Variants in CEP112 observed in about 807,000 individuals in gnomAD.
CEP112 encodes centrosomal protein of 112 kDa.
Under a neutral mutation model 153.0 loss-of-function variants are expected in CEP112, and 127 were observed. That is an observed-to-expected ratio of 0.83 (90% CI 0.72 to 0.96). The LOEUF is 0.96. Among genes scored for constraint, CEP112 ranks in the 40% least tolerant of loss-of-function variants. The pLI is 0.00. For synonymous variants in CEP112, 358 were observed against 374.4 expected, an observed-to-expected ratio of 0.96 and a Z score of 0.51; for missense variants, 1,089 against 1,101.2, an observed-to-expected ratio of 0.99 and a Z score of 0.16.
chr17:65,830,230 T>C (rs547762795), intron 21 of CEP112, among the ~76,000 whole-genome samples: 1 of 152,218 alleles, frequency 6.6e-6, no homozygotes, highest in East Asian at 1.9e-4. Context: ...AAGAATACCA[T>C]CCTGAGTTCA....
chr17:65,704,948 T>G (rs531798807), intron 23 of CEP112, among the ~76,000 whole-genome samples: 1 of 152,364 alleles, frequency 6.6e-6, no homozygotes, highest in South Asian at 2.1e-4. Context: ...TTTTGAAGTT[T>G]CTTCCACTCC....
At chr17:65,967,423 G>A (rs1178741143) in intron 17 of CEP112, among the ~76,000 whole-genome samples, 1 of 152,156 alleles carries the variant, frequency 6.6e-6, no homozygotes, top group Non-Finnish European at 1.5e-5. Flanking sequence ...GCAGAAACAA[G>A]GGTGCTGGCA....
At chr17:65,855,851 C>A (rs1292692505) in intron 20 of CEP112, among the ~76,000 whole-genome samples, 3 of 152,074 alleles carry the variant, frequency 2.0e-5, no homozygotes, top group Non-Finnish European at 4.4e-5. Context: ...ATCACTTGAG[C>A]CTAGGAGTTC....
intron 20 of CEP112, among the ~76,000 whole-genome samples, chr17:65,900,731 C>T (rs1005973476): frequency 1.3e-5 from 2 of 152,082 alleles, no homozygotes; most frequent in African/African-American, 4.8e-5. Flanking sequence ...AGAATATGAA[C>T]TAGACAATAT....
intron 23 of CEP112, among the ~76,000 whole-genome samples, chr17:65,690,747 T>C (rs940495731): frequency 3.3e-5 from 5 of 152,122 alleles, no homozygotes; most frequent in African/African-American, 1.2e-4. Context: ...GTGGAAGCCA[T>C]AAGGTCACTG....
intron 24 of CEP112, among the ~76,000 whole-genome samples, chr17:65,667,185 C>T (rs182985550): frequency 4.9e-4 from 74 of 152,200 alleles, no homozygotes; most frequent in African/African-American, 1.7e-3. Context: ...GTGCCACCTT[C>T]TTTGTAGCAA....
intron 19 of CEP112, among the ~76,000 whole-genome samples, chr17:65,916,250 AGT>A (rs3222034): frequency 0.053 from 6,907 of 129,794 alleles, 250 homozygotes; most frequent in African/African-American, 0.13. Context: ...TTTGAAAAAG[AGT>A]GTGTGTGTGT....
chr17:65,883,929 G>A (rs1031022087), intron 20 of CEP112, among the ~76,000 whole-genome samples: 1 of 152,154 alleles, frequency 6.6e-6, no homozygotes, highest in African/African-American at 2.4e-5. Context: ...AAAAAATCAA[G>A]AATTATTTCC....
chr17:65,969,873 TTA>T (rs1408947886), intron 17 of CEP112, among the ~76,000 whole-genome samples: 3 of 152,226 alleles, frequency 2.0e-5, no homozygotes, highest in African/African-American at 4.8e-5. Context: ...TACATGTGCA[TTA>T]TGTGTAAATT....
intron 24 of CEP112, chr17:65,655,345 TACCA>T (rs2046009411): frequency 6.4e-7 from 1 of 1,568,146 alleles, no homozygotes; most frequent in Admixed American, 1.7e-5. Flanking sequence ...CTTGCCAAAT[TACCA>T]CCACCTAAAG....
At chr17:65,803,448 A>T (rs2055399265) in intron 21 of CEP112, among the ~76,000 whole-genome samples, 1 of 152,270 alleles carries the variant, frequency 6.6e-6, no homozygotes, top group Non-Finnish European at 1.5e-5. Flanking sequence ...TTTAAAGTGG[A>T]AAATAGTTTT....
intron 4 of CEP112, among the ~76,000 whole-genome samples, chr17:66,155,415 A>G (rs2071394933): frequency 6.6e-6 from 1 of 151,962 alleles, no homozygotes; most frequent in Non-Finnish European, 1.5e-5. Flanking sequence ...AGATTCCCTT[A>G]GGTGCCTACA....
At chr17:65,841,362 T>C (rs151126773) in intron 21 of CEP112, among the ~76,000 whole-genome samples, 1 of 152,086 alleles carries the variant, frequency 6.6e-6, no homozygotes, top group African/African-American at 2.4e-5. Context: ...ATGGATAGAA[T>C]TAGATGTCAT....
intron 4 of CEP112, among the ~76,000 whole-genome samples, chr17:66,135,052 G>T (rs1280577047): frequency 1.3e-5 from 2 of 152,018 alleles, no homozygotes; most frequent in Admixed American, 6.6e-5. Context: ...AGTCCAAATT[G>T]CTCCCTTGGC....
chr17:66,160,349 T>A (rs928502538), intron 4 of CEP112, among the ~76,000 whole-genome samples: 1 of 152,012 alleles, frequency 6.6e-6, no homozygotes, highest in Admixed American at 6.6e-5. Context: ...CTACTTTAAA[T>A]TTCATATGGA....
At chr17:65,831,841 G>T (rs2057093770) in intron 21 of CEP112, among the ~76,000 whole-genome samples, 1 of 152,066 alleles carries the variant, frequency 6.6e-6, no homozygotes, top group Non-Finnish European at 1.5e-5. Context: ...AAAAGAAAAT[G>T]AGTGAAGAAA....
chr17:65,701,447 A>C (rs551716297), intron 23 of CEP112, among the ~76,000 whole-genome samples: 2 of 152,352 alleles, frequency 1.3e-5, no homozygotes, highest in East Asian at 1.9e-4. Context: ...GTGTCAAAAA[A>C]GAAATCATGG....
intron 20 of CEP112, among the ~76,000 whole-genome samples, chr17:65,860,274 G>A (rs2058271356): frequency 6.6e-6 from 1 of 151,996 alleles, no homozygotes; most frequent in Admixed American, 6.6e-5. Flanking sequence ...AAAAATATAA[G>A]GCTTTTTGAA....
chr17:66,189,989 A>G (rs149303243), intron 1 of CEP112, among the ~76,000 whole-genome samples: 5,324 of 152,248 alleles, frequency 0.035, 139 homozygotes, highest in Middle Eastern at 0.061. Context: ...CCAAGATCAC[A>G]CCACTGCACT....
Sources: gnomAD v4.1 joint callset for allele counts (sites outside exome capture counted in the v4.1 genomes callset) on GRCh38, gnomAD v4.1.1 for gene constraint, MANE v1.5 for transcripts, NCBI Gene and HGNC (gene_info 2026-07-23, HGNC 2026-07-21) for gene names.